Variants in INPP4B observed in about 807,000 individuals in gnomAD.
INPP4B encodes inositol polyphosphate-4-phosphatase type II B, also known as inositol polyphosphate 4-phosphatase type II.
Under a neutral mutation model 122.5 loss-of-function variants are expected in INPP4B, and 55 were observed. The ratio of observed to expected loss-of-function variants is 0.45; its 90% confidence interval spans 0.36 to 0.56. The LOEUF is 0.56. Ranked by LOEUF, INPP4B falls within the 20% of genes least tolerant of loss-of-function variation. INPP4B has a pLI of 0.00. For missense variants in INPP4B, 1,000 were observed against 1,097.7 expected (o/e 0.91, Z 1.26); for synonymous variants, 403 against 388.7 (o/e 1.04, Z -0.43).
rs1199046142 is a variant in INPP4B at position 142,354,500 on chromosome 4, TAA to T, written c.373-39740_373-39739del. ...TTATCTATCTTGGGCATTTAAGGAA[TAA>T]ACCGGCCAGAACAATTCAGATGGAA... On this transcript the variant is annotated intron_variant, in intron 7 of 25. Coordinates refer to ENST00000262992, the MANE Select transcript of INPP4B (RefSeq NM_001101669.3). Among the ~76,000 whole-genome samples the T allele has an allele frequency of 2.6e-5, 4 of 151,960 alleles. No individual in the cohort carries two copies. The East Asian group carries it at 5.8e-4, about 22-fold the overall frequency.
At position 142,208,999 on chromosome 4, in the gene INPP4B, CTCACCAAGTTCTTTTA is replaced by C; in HGVS notation, c.848_863del (p.Ile283SerfsTer21). ...GCAGATTGTCCCAATGTGGAGAAAG[CTCACCAAGTTCTTTTA>C]TCTCCTGGTTTCTGTTAAGAGTGGA... On this transcript the variant is annotated frameshift_variant, in exon 13 of 26. Transcript: ENST00000262992. LOFTEE classifies it high-confidence loss of function. 6.2e-7 allele frequency: 1 copy of C among 1,603,566 alleles called. No homozygotes were observed. The highest frequency in any genetic ancestry group is 8.5e-7 in the Non-Finnish European group (1 of 1,173,410).
intron 21 of INPP4B, among the ~76,000 whole-genome samples, chr4:142,113,201 T>A (rs936556258): frequency 5.3e-5 from 8 of 152,100 alleles, no homozygotes; most frequent in African/African-American, 1.9e-4. Context: ...ATTCTGGTCA[T>A]TTTGAAACAT....
At chr4:142,647,098 AG>A (rs1184960599) in intron 2 of INPP4B, among the ~76,000 whole-genome samples, 2 of 152,206 alleles carry the variant, frequency 1.3e-5, no homozygotes, top group South Asian at 4.1e-4. Flanking sequence ...AGAAGTTAAT[AG>A]ATAATGCTTA....
intron 2 of INPP4B, among the ~76,000 whole-genome samples, chr4:142,717,019 T>C (rs923300504): frequency 6.6e-6 from 1 of 152,250 alleles, no homozygotes; most frequent in Non-Finnish European, 1.5e-5. Flanking sequence ...TTATTATTTC[T>C]ATTTTCTAGT....
intron 11 of INPP4B, among the ~76,000 whole-genome samples, chr4:142,256,161 A>T (rs1365408951): frequency 6.6e-6 from 1 of 150,796 alleles, no homozygotes; most frequent in Non-Finnish European, 1.5e-5. Flanking sequence ...ACCAACGAGA[A>T]CAAAGACACA....
intron 23 of INPP4B, among the ~76,000 whole-genome samples, chr4:142,094,639 G>A (rs557014890): frequency 4.6e-5 from 7 of 152,134 alleles, no homozygotes; most frequent in Non-Finnish European, 8.8e-5. Flanking sequence ...CAAAAACCAA[G>A]GGCTCACCTT....
At chr4:142,564,458 AGAAAGAAAGAAAG>A (rs1731183201) in intron 2 of INPP4B, among the ~76,000 whole-genome samples, 1 of 124,078 alleles carries the variant, frequency 8.1e-6, no homozygotes, top group African/African-American at 3.1e-5. Flanking sequence ...AAAAAAAGAA[AGAAAGAAAGAAAG>A]AAAGAAAAAA....
Position 142,737,903 on chromosome 4 carries a change from G to A in INPP4B, c.-253-12002C>T, listed in dbSNP as rs546564117. Among the ~76,000 whole-genome samples the A allele has an allele frequency of 4.7e-4, 72 of 152,120 alleles. No individual in the cohort carries two copies. In the South Asian group the frequency reaches 7.3e-3, roughly 15 times the overall value. ...TCAGAGAAATGCAAATCAAAACCAC[G>A]ATGAGATACCATCTCACACCAGTTA... On this transcript the variant is annotated intron_variant, in intron 1 of 25. Transcript: ENST00000262992.
At chr4:142,502,989 T>A (rs1381608405) in intron 2 of INPP4B, among the ~76,000 whole-genome samples, 3 of 152,176 alleles carry the variant, frequency 2.0e-5, no homozygotes, top group Non-Finnish European at 4.4e-5. Flanking sequence ...TATGAAGCCT[T>A]GGAAGCTATA....
intron 2 of INPP4B, among the ~76,000 whole-genome samples, chr4:142,685,999 G>A (rs1218766333): frequency 2.6e-5 from 4 of 152,130 alleles, no homozygotes; most frequent in East Asian, 1.9e-4. Context: ...AAGCCCAGAA[G>A]CCTCGCTTTG....
chr4:142,253,226 G>GT (rs1186100737), intron 11 of INPP4B, among the ~76,000 whole-genome samples: 1 of 152,202 alleles, frequency 6.6e-6, no homozygotes, highest in Non-Finnish European at 1.5e-5. Context: ...CAGTGAGTGA[G>GT]TGGTGGGTGA....
intron 9 of INPP4B, among the ~76,000 whole-genome samples, chr4:142,302,187 T>C (rs1184805084): frequency 1.3e-5 from 2 of 152,060 alleles, no homozygotes; most frequent in Non-Finnish European, 2.9e-5. Context: ...TAACAGGCCC[T>C]TTCACACTTT....
At chr4:142,587,315 G>A (rs1043339238) in intron 2 of INPP4B, among the ~76,000 whole-genome samples, 2 of 151,884 alleles carry the variant, frequency 1.3e-5, no homozygotes, top group African/African-American at 4.8e-5. Context: ...TTGTGATTAG[G>A]TATATATTTA....
chr4:142,646,813 C>A (rs1751888433), intron 2 of INPP4B, among the ~76,000 whole-genome samples: 1 of 152,022 alleles, frequency 6.6e-6, no homozygotes, highest in Non-Finnish European at 1.5e-5. Context: ...CCAGGAAGGC[C>A]CTCTCTAAGG....
chr4:142,177,701 C>G (rs1579182955), intron 15 of INPP4B, among the ~76,000 whole-genome samples: 1 of 151,862 alleles, frequency 6.6e-6, no homozygotes, highest in Admixed American at 6.6e-5. Flanking sequence ...GAATGCACAC[C>G]TACATCCCCA....
intron 21 of INPP4B, among the ~76,000 whole-genome samples, chr4:142,119,796 TACACACACACACACAC>T (rs34897089): frequency 2.0e-5 from 3 of 148,470 alleles, no homozygotes; most frequent in South Asian, 4.2e-4. Context: ...AAAGTATATA[TACACACACACACACAC>T]ACACACACAC....
At chr4:142,136,694 A>G (rs1352302648) in intron 18 of INPP4B, among the ~76,000 whole-genome samples, 1 of 152,180 alleles carries the variant, frequency 6.6e-6, no homozygotes, top group Non-Finnish European at 1.5e-5. Context: ...GGGCCTGTAA[A>G]AAAGGGAGAA....
At chr4:142,046,507 G>C (rs1221845678) in intron 25 of INPP4B, among the ~76,000 whole-genome samples, 1 of 152,022 alleles carries the variant, frequency 6.6e-6, no homozygotes, top group Non-Finnish European at 1.5e-5. Context: ...ATCAACTCAG[G>C]AGAAGGAAAG....
chr4:142,668,305 C>A (rs549444820), intron 2 of INPP4B, among the ~76,000 whole-genome samples: 1 of 152,268 alleles, frequency 6.6e-6, no homozygotes, highest in South Asian at 2.1e-4. Flanking sequence ...AAAAATCCAA[C>A]TTCCTTTTAT....
Sources: allele counts gnomAD v4.1 joint callset (sites outside exome capture counted in the v4.1 genomes callset), GRCh38; gene constraint gnomAD v4.1.1; transcripts MANE v1.5; gene names NCBI Gene and HGNC (gene_info 2026-07-23, HGNC 2026-07-21).